ARFGEF1: variants seen among roughly 807,000 people sequenced by gnomAD.
The protein encoded by ARFGEF1 is brefeldin A-inhibited guanine nucleotide-exchange protein 1.
Under a neutral mutation model 231.0 loss-of-function variants are expected in ARFGEF1, and 42 were observed. The observed-to-expected ratio is 0.18, with a 90% CI of 0.14 to 0.24. ARFGEF1 has a LOEUF of 0.24. ARFGEF1 is among the 10% of genes least tolerant of loss of function. ARFGEF1 has a pLI of 1.00. For missense variants in ARFGEF1, 1,345 were observed against 2,192.0 expected (o/e 0.61, Z 7.72); for synonymous variants, 710 against 732.3 (o/e 0.97, Z 0.49).
intron 6 of ARFGEF1, among the ~76,000 whole-genome samples, chr8:67,289,284 G>A (rs1427036317): frequency 2.0e-5 from 3 of 151,934 alleles, no homozygotes; most frequent in Non-Finnish European, 4.4e-5. Context: ...TGAGCACAGG[G>A]GGGGTCACAC....
intron 5 of ARFGEF1, chr8:67,190,527 A>G (rs192573410): frequency 3.6e-4 from 252 of 702,296 alleles, no homozygotes; most frequent in Non-Finnish European, 5.8e-4. Context: ...GTGTATGTAC[A>G]TACATTGAGT....
chr8:67,269,541 G>T (rs1482764477), intron 10 of ARFGEF1, among the ~76,000 whole-genome samples: 2 of 151,692 alleles, frequency 1.3e-5, no homozygotes, highest in Non-Finnish European at 2.9e-5. Context: ...AGTAGAGATG[G>T]GGTTTCTCCA....
At position 67,271,900 on chromosome 8, in the gene ARFGEF1, C is replaced by T. The variant is rs1287167503; in HGVS notation, c.1374G>A (p.Gln458=). The change falls in exon 10 of 39, where the codon CAG becomes CAA. Residue 458 remains glutamine, a synonymous_variant. Transcript: ENST00000262215. ...HELRSKILSL[Q]LLLSILQNAG... Reference sequence around the variant, plus strand: ...CATTCTGCAGAATGGATAGAAGTAACTGCAATGAAAGAATCTTGGATCGTA... The same window carrying T: ...CATTCTGCAGAATGGATAGAAGTAATTGCAATGAAAGAATCTTGGATCGTA... 6.2e-7 allele frequency: 1 copy of T among 1,611,910 alleles called. No homozygotes were observed. Among genetic ancestry groups the T allele is most frequent in the Admixed American group, 1.7e-5 (1 of 59,746 alleles).
chr8:67,298,632 TG>T (rs1282090762), intron 4 of ARFGEF1, among the ~76,000 whole-genome samples: 1 of 152,218 alleles, frequency 6.6e-6, no homozygotes, highest in Non-Finnish European at 1.5e-5. Context: ...AGAAAAACTT[TG>T]GAAGACTCTA....
chr8:67,211,519 C>T lies in ARFGEF1; in HGVS notation c.4783G>A (p.Val1595Ile). 2 of 1,591,928 alleles carry T rather than the reference C, an allele frequency of 1.3e-6. No individual in the cohort carries two copies. Among genetic ancestry groups the T allele is most frequent in the East Asian group, 2.2e-5 (1 of 44,570 alleles). The change falls in exon 34 of 39, where the codon GTT (valine) becomes ATT (isoleucine). Residue 1595 changes from valine (V) to isoleucine (I), a missense_variant. Physicochemically the swap from Val to Ile is conservative, Grantham distance 29. Coordinates refer to ENST00000262215, the MANE Select transcript of ARFGEF1 (RefSeq NM_006421.5). ...PQAPLVSASA[V>I]NEEVSKIKST... ...TTAATTTTGCTGACTTCTTCATTAA[C>T]AGCAGACGCAGAAACCAGTGGTGCT... is the stretch of plus-strand genomic sequence containing the variant.
chr8:67,192,023 T>G (rs558024233), intron 5 of ARFGEF1, among the ~76,000 whole-genome samples: 1 of 152,248 alleles, frequency 6.6e-6, no homozygotes, highest in African/African-American at 2.4e-5. Flanking sequence ...GCCAGTTGTA[T>G]ATTTTCTTAG....
intron 32 of ARFGEF1, 44 bp from the exon 33 acceptor site, chr8:67,216,706 A>C (rs779075303): frequency 6.6e-5 from 97 of 1,464,232 alleles, no homozygotes; most frequent in Non-Finnish European, 8.5e-5. Flanking sequence ...GGGCTGTGCC[A>C]CATGCCACAT....
intron 18 of ARFGEF1, among the ~76,000 whole-genome samples, chr8:67,251,949 G>A (rs1458267457): frequency 1.3e-5 from 2 of 152,120 alleles, no homozygotes; most frequent in African/African-American, 2.4e-5. Context: ...AATATGGAAT[G>A]GGAGAAGAGC....
chr8:67,209,747 G>A (rs1046459028), intron 34 of ARFGEF1, among the ~76,000 whole-genome samples: 1 of 152,172 alleles, frequency 6.6e-6, no homozygotes, highest in East Asian at 1.9e-4. Flanking sequence ...AGGAATACAG[G>A]TGACCTGTGG....
chr8:67,223,013 A>C (rs1839253242), intron 29 of ARFGEF1, among the ~76,000 whole-genome samples: 1 of 152,256 alleles, frequency 6.6e-6, no homozygotes, highest in Non-Finnish European at 1.5e-5. Context: ...AGTACATGCT[A>C]TGATGTTCAC....
In ARFGEF1 at chr8:67,267,113, T is replaced by G. The variant is rs923094119; in HGVS notation, c.1790A>C (p.Glu597Ala). 9 of 1,613,060 alleles carry G rather than the reference T, an allele frequency of 5.6e-6. No individual in the cohort carries two copies. In the Admixed American group the frequency reaches 1.3e-4, roughly 24 times the overall value. Reference sequence around the variant, plus strand: ...TACCTGAACATTACTCATACCAAGTTCTTGACTGCCCCTTCCTTGAGCAAT... The same window carrying G: ...TACCTGAACATTACTCATACCAAGTGCTTGACTGCCCCTTCCTTGAGCAAT... ...SKIAQGRGSQ[E>A]LGMSNVQELS... Residue 597 changes from glutamate (E) to alanine (A), a missense_variant, in exon 12 of 39, where the codon GAA (glutamate) becomes GCA (alanine). Physicochemically the swap from Glu to Ala is moderately radical, Grantham distance 107. Transcript: ENST00000262215.
At chr8:67,201,346 G>A in intron 37 of ARFGEF1, 121 bp downstream of exon 37, 1 of 1,253,634 alleles carries the variant, frequency 8.0e-7, no homozygotes, top group Non-Finnish European at 1.1e-6. Context: ...CAACTGCTCT[G>A]TGGAATAGGG....
chr8:67,257,932 T>G, intron 16 of ARFGEF1, 116 bp from the exon 17 acceptor site: 1 of 1,194,584 alleles, frequency 8.4e-7, no homozygotes, highest in Non-Finnish European at 1.2e-6. Flanking sequence ...ACATTACAAT[T>G]TTTTATGGAT....
intron 1 of ARFGEF1, among the ~76,000 whole-genome samples, chr8:67,328,692 G>C (rs1371394258): frequency 1.3e-5 from 2 of 152,116 alleles, no homozygotes; most frequent in Non-Finnish European, 2.9e-5. Flanking sequence ...GTGGTCATTT[G>C]TAAGGATACA....
chr8:67,278,637 G>A (rs1185455560), intron 7 of ARFGEF1, among the ~76,000 whole-genome samples: 1 of 152,080 alleles, frequency 6.6e-6, no homozygotes, highest in Non-Finnish European at 1.5e-5. Flanking sequence ...CACGAGGTCA[G>A]GAGTTCGAGA....
chr8:67,339,663 C>T (rs1209476110), intron 1 of ARFGEF1, among the ~76,000 whole-genome samples: 1 of 151,338 alleles, frequency 6.6e-6, no homozygotes, highest in East Asian at 1.9e-4. Flanking sequence ...ATGGATCAGG[C>T]TAAGCTAGGG....
intron 19 of ARFGEF1, among the ~76,000 whole-genome samples, chr8:67,241,336 C>T (rs1378685295): frequency 2.0e-5 from 3 of 152,168 alleles, no homozygotes; most frequent in African/African-American, 7.2e-5. Flanking sequence ...CTGAGAGAAA[C>T]ATAAGTGCCG....
chr8:67,267,617 C>G (rs1032160314), intron 10 of ARFGEF1, among the ~76,000 whole-genome samples, 175 bp from the exon 11 acceptor site: 1 of 152,166 alleles, frequency 6.6e-6, no homozygotes, highest in Non-Finnish European at 1.5e-5. Flanking sequence ...GGGTAAGTGA[C>G]TTAAACTTGC....
intron 19 of ARFGEF1, 152 bp downstream of exon 19, chr8:67,251,147 C>CTA: frequency 1.5e-6 from 1 of 663,198 alleles, no homozygotes; most frequent in Non-Finnish European, 2.2e-6. Context: ...TTTGTATCTA[C>CTA]TATGTCCTAA....
Sources: gnomAD v4.1 joint callset for allele counts (sites outside exome capture counted in the v4.1 genomes callset) on GRCh38, gnomAD v4.1.1 for gene constraint, MANE v1.5 for transcripts, NCBI Gene and HGNC (gene_info 2026-07-23, HGNC 2026-07-21) for gene names.